The following SPATA31F3 variants were observed in gnomAD, a reference collection of about 807,000 sequenced individuals.
SPATA31F3 encodes SPATA31 subfamily F member 3.
the SPATA31F3 span, among the ~76,000 whole-genome samples, chr9:34,893,710 G>T: frequency 1.3e-5 from 2 of 152,214 alleles, no homozygotes; most frequent in Admixed American, 1.3e-4. Flanking sequence ...CCATGGGAGG[G>T]CGTGGCCCTC....
chr9:34,890,068 G>A, the SPATA31F3 span, among the ~76,000 whole-genome samples: 231 of 152,278 alleles, frequency 1.5e-3, no homozygotes, highest in African/African-American at 5.4e-3. Context: ...ATGGGGCTCC[G>A]CAGATCCAGA....
At chr9:34,894,765 A>G in the SPATA31F3 span, among the ~76,000 whole-genome samples, 1 of 152,242 alleles carries the variant, frequency 6.6e-6, no homozygotes, top group Non-Finnish European at 1.5e-5. Context: ...AGAGACTTCC[A>G]CAGGTTTGTA....
At chr9:34,894,639 T>C in the SPATA31F3 span, 3 of 397,080 alleles carry the variant, frequency 7.6e-6, no homozygotes, top group African/African-American at 2.1e-5. Context: ...TGTGTATAAC[T>C]TAACCGTTTA....
At chr9:34,890,676 A>T in the SPATA31F3 span, among the ~76,000 whole-genome samples, 1 of 152,188 alleles carries the variant, frequency 6.6e-6, no homozygotes, top group East Asian at 1.9e-4. Flanking sequence ...CTCCTAAAGG[A>T]TCCCTGTGTG....
At chr9:34,890,854 T>C in the SPATA31F3 span, among the ~76,000 whole-genome samples, 4 of 152,214 alleles carry the variant, frequency 2.6e-5, no homozygotes, top group African/African-American at 7.2e-5. Context: ...TCTCTAGCGG[T>C]ACCATCTCCA....
At chr9:34,894,223 G>A in the SPATA31F3 span, among the ~76,000 whole-genome samples, 1 of 152,146 alleles carries the variant, frequency 6.6e-6, no homozygotes, top group East Asian at 1.9e-4. Context: ...TAGAACTACT[G>A]TGACCCTAGC....
chr9:34,895,679 A>C, the SPATA31F3 span: 1 of 404,516 alleles, frequency 2.5e-6, no homozygotes, highest in African/African-American at 2.1e-5. Flanking sequence ...ATAGGTGTAT[A>C]AGGGATATCC....
the SPATA31F3 span, among the ~76,000 whole-genome samples, chr9:34,891,303 T>C: frequency 6.6e-6 from 1 of 152,230 alleles, no homozygotes; most frequent in South Asian, 2.1e-4. Flanking sequence ...CCCAGGCCTT[T>C]GGAATACTGC....
the SPATA31F3 span, chr9:34,892,581 G>T: frequency 2.2e-6 from 1 of 454,152 alleles, no homozygotes; most frequent in Non-Finnish European, 3.9e-6. Flanking sequence ...GGAATGTAGG[G>T]TCATAGGCTG....
the SPATA31F3 span, among the ~76,000 whole-genome samples, chr9:34,892,120 A>G: frequency 6.6e-6 from 1 of 152,222 alleles, no homozygotes. Flanking sequence ...TAAGGTAGCT[A>G]CAGATGTGGC....
At chr9:34,892,586 A>T in the SPATA31F3 span, 2 of 452,728 alleles carry the variant, frequency 4.4e-6, no homozygotes, top group Admixed American at 7.4e-5. Context: ...GTAGGGTCAT[A>T]GGCTGTTGTT....
chr9:34,890,067 C>T, the SPATA31F3 span, among the ~76,000 whole-genome samples: 2 of 152,172 alleles, frequency 1.3e-5, no homozygotes, highest in African/African-American at 4.8e-5. Flanking sequence ...AATGGGGCTC[C>T]GCAGATCCAG....
chr9:34,891,306 A>T, the SPATA31F3 span, among the ~76,000 whole-genome samples: 2 of 152,158 alleles, frequency 1.3e-5, no homozygotes, highest in Admixed American at 6.5e-5. Flanking sequence ...AGGCCTTTGG[A>T]ATACTGCAGA....
chr9:34,893,508 G>A, the SPATA31F3 span, among the ~76,000 whole-genome samples: 1 of 152,078 alleles, frequency 6.6e-6, no homozygotes, highest in African/African-American at 2.4e-5. Flanking sequence ...GGCAGAGGTA[G>A]GAGAGTCCCT....
At chr9:34,889,177 A>G in the SPATA31F3 span, 3 of 398,580 alleles carry the variant, frequency 7.5e-6, no homozygotes, top group Non-Finnish European at 1.3e-5. Flanking sequence ...GGAACCTATG[A>G]ACTCCTTTTT....
the SPATA31F3 span, among the ~76,000 whole-genome samples, chr9:34,893,772 G>T: frequency 1.1e-4 from 16 of 152,262 alleles, no homozygotes; most frequent in Admixed American, 1.0e-3. Flanking sequence ...TTGAAAAGCT[G>T]AACTAGGAGA....
the SPATA31F3 span, among the ~76,000 whole-genome samples, chr9:34,893,601 CAA>C: frequency 3.1e-5 from 4 of 128,566 alleles, no homozygotes; most frequent in African/African-American, 2.8e-5. Context: ...AACTCTGTCT[CAA>C]AAAAAAAAAA....
chr9:34,891,913 T>C, the SPATA31F3 span, among the ~76,000 whole-genome samples: 1 of 152,152 alleles, frequency 6.6e-6, no homozygotes, highest in Non-Finnish European at 1.5e-5. Context: ...TATAGGACAT[T>C]GATCTGGATT....
At chr9:34,894,398 G>C in the SPATA31F3 span, 1 of 398,426 alleles carries the variant, frequency 2.5e-6, no homozygotes, top group African/African-American at 2.1e-5. Context: ...AATGATCACA[G>C]ACCAGACTAG....
Sources: gnomAD v4.1 joint callset for allele counts (sites outside exome capture counted in the v4.1 genomes callset) on GRCh38, gnomAD v4.1.1 for gene constraint, MANE v1.5 for transcripts, NCBI Gene and HGNC (gene_info 2026-07-23, HGNC 2026-07-21) for gene names.